The following ARL15 variants were observed in gnomAD, a reference collection of about 807,000 sequenced individuals.
The protein encoded by ARL15 is ARF like GTPase 15, also known as ADP-ribosylation factor-like protein 15.
In ARL15, 19 loss-of-function variants were observed where a neutral mutation model predicts 25.2. The ratio of observed to expected loss-of-function variants is 0.75; its 90% CI spans 0.53 to 1.10. The LOEUF is 1.10. Among genes scored for constraint, ARL15 ranks in the 50% least tolerant of loss-of-function variants. ARL15 has a pLI of 0.00. For synonymous variants in ARL15, 94 were observed against 86.8 expected, an observed-to-expected ratio of 1.08 and a Z score of -0.46; for missense variants, 220 against 246.0, an observed-to-expected ratio of 0.89 and a Z score of 0.71.
intron 4 of ARL15, among the ~76,000 whole-genome samples, chr5:53,928,516 G>A (rs973510772): frequency 2.0e-5 from 3 of 152,124 alleles, no homozygotes; most frequent in Non-Finnish European, 2.9e-5. Context: ...TTATAAGTGC[G>A]AGGCATAAAT....
In ARL15 at chr5:54,051,544, C is replaced by A. The variant is rs369169339; in HGVS notation, c.462+61658G>T. On this transcript the variant is annotated intron_variant, in intron 4 of 4. Coordinates refer to ENST00000504924, the MANE Select transcript of ARL15 (RefSeq NM_019087.3). ...TGAGCAAAAGATAAATGACAAGTCA[C>A]CAAACAGACAAGTAAGCAAGTAAAT... Among the ~76,000 whole-genome samples the A allele has an allele frequency of 3.3e-4, 50 of 152,238 alleles. No homozygotes were observed. The East Asian group carries it at 9.3e-3, about 28-fold the overall frequency.
chr5:53,934,539 C>A (rs1165785072), intron 4 of ARL15, among the ~76,000 whole-genome samples: 1 of 152,174 alleles, frequency 6.6e-6, no homozygotes, highest in Admixed American at 6.5e-5. Flanking sequence ...TACCACTAGG[C>A]ACATACATCT....
chr5:54,208,164 T>C (rs1755924992), intron 1 of ARL15, among the ~76,000 whole-genome samples: 2 of 152,200 alleles, frequency 1.3e-5, no homozygotes, highest in South Asian at 4.1e-4. Flanking sequence ...AGCTCTCTGA[T>C]AAAACAGCCA....
intron 4 of ARL15, among the ~76,000 whole-genome samples, chr5:54,046,447 C>G (rs896043713): frequency 2.0e-4 from 31 of 152,194 alleles, no homozygotes; most frequent in Non-Finnish European, 1.5e-5. Flanking sequence ...TGCCACTGCA[C>G]TCCAGCCTGG....
At chr5:54,075,803 GT>G (rs1294265210) in intron 4 of ARL15, among the ~76,000 whole-genome samples, 3 of 152,070 alleles carry the variant, frequency 2.0e-5, no homozygotes, top group African/African-American at 4.8e-5. Flanking sequence ...TTCATGTGGA[GT>G]TTTAAAATTG....
At chr5:53,977,251 G>A (rs938708502) in intron 4 of ARL15, among the ~76,000 whole-genome samples, 2 of 151,656 alleles carry the variant, frequency 1.3e-5, no homozygotes, top group Non-Finnish European at 2.9e-5. Flanking sequence ...CAGCTACTCG[G>A]AGGCTGAGGC....
chr5:53,967,126 C>T (rs1353351987), intron 4 of ARL15, among the ~76,000 whole-genome samples: 2 of 152,124 alleles, frequency 1.3e-5, no homozygotes, highest in Admixed American at 6.6e-5. Context: ...ATGGAAAAAT[C>T]TGCAATAATA....
chr5:54,265,741 T>C (rs1158207363), intron 1 of ARL15, among the ~76,000 whole-genome samples: 1 of 152,216 alleles, frequency 6.6e-6, no homozygotes, highest in Non-Finnish European at 1.5e-5. Flanking sequence ...ATCTATTCCA[T>C]ATATTTAGAA....
chr5:54,165,832 C>T (rs1223148396), intron 2 of ARL15, among the ~76,000 whole-genome samples: 2 of 151,952 alleles, frequency 1.3e-5, no homozygotes, highest in East Asian at 3.9e-4. Flanking sequence ...ACAGTTTGGG[C>T]TGGCAGGCTG....
chr5:54,182,174 T>C (rs1317845841), intron 1 of ARL15, among the ~76,000 whole-genome samples: 1 of 73,208 alleles, frequency 1.4e-5, no homozygotes, highest in African/African-American at 5.9e-5. Context: ...TTGTCAATTT[T>C]GGCTTTTGTT....
intron 4 of ARL15, among the ~76,000 whole-genome samples, chr5:54,087,245 G>T (rs543358867): frequency 6.6e-6 from 1 of 152,120 alleles, no homozygotes; most frequent in Non-Finnish European, 1.5e-5. Context: ...TGAGAATGGT[G>T]TGAATCCGGG....
At chr5:54,093,702 A>G (rs1383970394) in intron 4 of ARL15, among the ~76,000 whole-genome samples, 6 of 151,790 alleles carry the variant, frequency 4.0e-5, no homozygotes, top group East Asian at 3.9e-4. Flanking sequence ...AAAAAAAAAA[A>G]AAAGAAAAAA....
At position 54,179,978 on chromosome 5, in the gene ARL15, AC is replaced by A; in HGVS notation, c.49-8051del. ...GGTTGCAGTGAGCTGAGATCGCGCC[AC>A]TGCTCTCCAGCCTGGGTGACACAGC... On this transcript the variant is annotated intron_variant, in intron 1 of 4. Transcript: ENST00000504924. 1.4e-5 allele frequency among the ~76,000 whole-genome samples: 2 copies of A among 146,360 alleles called. 1 individual carries two copies. Among genetic ancestry groups the A allele is most frequent in the Admixed American group, 1.4e-4 (2 of 14,036 alleles).
At chr5:53,938,407 C>T (rs962777571) in intron 4 of ARL15, among the ~76,000 whole-genome samples, 5 of 152,298 alleles carry the variant, frequency 3.3e-5, no homozygotes, top group South Asian at 2.1e-4. Flanking sequence ...AAGGAATTAA[C>T]GAATCAAATC....
intron 4 of ARL15, among the ~76,000 whole-genome samples, chr5:54,005,856 C>A (rs1749014492): frequency 7.2e-6 from 1 of 139,298 alleles, no homozygotes; most frequent in African/African-American, 2.7e-5. Flanking sequence ...AGCGAGACTC[C>A]ATCTCAAAAA....
intron 4 of ARL15, among the ~76,000 whole-genome samples, chr5:53,933,042 T>C (rs1184423821): frequency 6.6e-6 from 1 of 152,200 alleles, no homozygotes; most frequent in East Asian, 1.9e-4. Flanking sequence ...CTTTAGTTTA[T>C]AACAATAATA....
intron 4 of ARL15, among the ~76,000 whole-genome samples, chr5:53,943,725 G>A (rs1746624936): frequency 6.6e-6 from 1 of 152,162 alleles, no homozygotes; most frequent in East Asian, 1.9e-4. Flanking sequence ...TGGAAGGAAA[G>A]TGCTCAAGGA....
intron 1 of ARL15, among the ~76,000 whole-genome samples, chr5:54,175,238 G>A (rs1754832924): frequency 6.6e-6 from 1 of 151,998 alleles, no homozygotes; most frequent in Non-Finnish European, 1.5e-5. Context: ...TATTTTACCT[G>A]TTTATTCTAG....
intron 1 of ARL15, among the ~76,000 whole-genome samples, chr5:54,204,515 T>C (rs1383803380): frequency 1.3e-5 from 2 of 152,206 alleles, no homozygotes; most frequent in African/African-American, 2.4e-5. Context: ...TGAATCTCCA[T>C]TATCCCCTTG....
Sources: gnomAD v4.1 joint callset for allele counts (sites outside exome capture counted in the v4.1 genomes callset) on GRCh38, gnomAD v4.1.1 for gene constraint, MANE v1.5 for transcripts, NCBI Gene and HGNC (gene_info 2026-07-23, HGNC 2026-07-21) for gene names.